DYNC1LI1: variants seen among roughly 807,000 people sequenced by gnomAD.
DYNC1LI1 encodes dynein cytoplasmic 1 light intermediate chain 1.
DYNC1LI1 carries 19 observed loss-of-function variants against 63.8 expected under a neutral mutation model. That is an observed-to-expected ratio of 0.30 (90% CI 0.21 to 0.44). The LOEUF (loss-of-function observed/expected upper bound fraction) is 0.44, where lower values mean the gene tolerates loss of function less well. DYNC1LI1 is among the 20% of genes least tolerant of loss of function. DYNC1LI1 has a pLI of 1.00. For synonymous variants in DYNC1LI1, 225 were observed against 232.3 expected (o/e 0.97, Z 0.28); for missense variants, 565 against 630.2 (o/e 0.90, Z 1.11).
At chr3:32,558,347 C>T (rs944903842) in intron 2 of DYNC1LI1, among the ~76,000 whole-genome samples, 16 of 150,330 alleles carry the variant, frequency 1.1e-4, no homozygotes, top group Middle Eastern at 6.9e-3. Flanking sequence ...GCTTCTCAGG[C>T]CACATGGGTC....
intron 2 of DYNC1LI1, among the ~76,000 whole-genome samples, chr3:32,565,210 A>G (rs997651691): frequency 6.6e-6 from 1 of 152,234 alleles, no homozygotes; most frequent in African/African-American, 2.4e-5. Context: ...CAAGATTAAA[A>G]TAAGAAAATT....
At chr3:32,533,220 AGC>A in intron 7 of DYNC1LI1, 123 bp from the exon 8 acceptor site, 12 of 1,361,932 alleles carry the variant, frequency 8.8e-6, no homozygotes, top group Non-Finnish European at 1.1e-5. Flanking sequence ...AAAACGAATT[AGC>A]TTTTCATTAT....
At chr3:32,562,337 T>G (rs988894391) in intron 2 of DYNC1LI1, among the ~76,000 whole-genome samples, 1 of 152,204 alleles carries the variant, frequency 6.6e-6, no homozygotes, top group Non-Finnish European at 1.5e-5. Context: ...ATTATTTTCA[T>G]GTTCTTTCTT....
chr3:32,546,543 A>G (rs1434460826), intron 2 of DYNC1LI1, among the ~76,000 whole-genome samples: 1 of 152,234 alleles, frequency 6.6e-6, no homozygotes, highest in Non-Finnish European at 1.5e-5. Flanking sequence ...AGGTAAAGTG[A>G]AACACCTTAG....
chr3:32,541,824 G>A (rs908276996), intron 4 of DYNC1LI1, among the ~76,000 whole-genome samples: 9 of 152,136 alleles, frequency 5.9e-5, no homozygotes, highest in Admixed American at 1.3e-4. Flanking sequence ...TTTAGACTCC[G>A]TAATTACTCG....
intron 2 of DYNC1LI1, among the ~76,000 whole-genome samples, chr3:32,561,764 A>C (rs1698197642): frequency 6.6e-6 from 1 of 152,186 alleles, no homozygotes; most frequent in African/African-American, 2.4e-5. Flanking sequence ...AAAATGAGGT[A>C]TAACAATAAT....
chr3:32,553,913 A>G (rs1698077045), intron 2 of DYNC1LI1, among the ~76,000 whole-genome samples: 1 of 152,254 alleles, frequency 6.6e-6, no homozygotes, highest in South Asian at 2.1e-4. Flanking sequence ...CCATTAAAGC[A>G]AGACTGTTTG....
intron 4 of DYNC1LI1, among the ~76,000 whole-genome samples, chr3:32,543,686 G>A (rs867939742): frequency 2.0e-5 from 3 of 151,016 alleles, no homozygotes; most frequent in Non-Finnish European, 4.4e-5. Context: ...GATTACAGGC[G>A]TGAGCCACCA....
At chr3:32,545,180 G>T in intron 3 of DYNC1LI1, 74 bp from the exon 4 acceptor site, 2 of 985,510 alleles carry the variant, frequency 2.0e-6, no homozygotes, top group Non-Finnish European at 1.6e-6. Context: ...AGTACCACTT[G>T]GTATTTTAGT....
chr3:32,526,079 ATG>A lies in DYNC1LI1; in HGVS notation c.*718_*719del, dbSNP rs558043870. 6.6e-6 allele frequency: 1 copy of A among 152,346 alleles called. No individual in the cohort carries two copies. The highest frequency in any genetic ancestry group is 6.6e-5 in the Admixed American group (1 of 15,246). The allele number at this position is 152,346 out of a possible 1,614,324, so 9.4% of individuals were successfully genotyped here. On this transcript the variant is annotated 3_prime_UTR_variant, in exon 13 of 13. Transcript: ENST00000273130. ...GGCAAAGCCATATATATATATATAT[ATG>A]TATAGACAAATCCAAAGATTGTTAC...
intron 2 of DYNC1LI1, among the ~76,000 whole-genome samples, chr3:32,547,135 C>T (rs1172065645): frequency 6.6e-6 from 1 of 151,948 alleles, no homozygotes; most frequent in Non-Finnish European, 1.5e-5. Context: ...CCCAGCTACT[C>T]GGGAGACTGA....
chr3:32,527,421 G>A (rs1033121599), intron 12 of DYNC1LI1, among the ~76,000 whole-genome samples: 2 of 150,764 alleles, frequency 1.3e-5, no homozygotes, highest in Middle Eastern at 3.2e-3. Context: ...TTTTTTTTAA[G>A]GCATAGGACA....
chr3:32,538,011 A>T (rs866741586), intron 5 of DYNC1LI1, among the ~76,000 whole-genome samples: 5 of 19,608 alleles, frequency 2.5e-4, no homozygotes, highest in South Asian at 1.2e-3. Flanking sequence ...TATATATAAT[A>T]TATATATATA....
intron 4 of DYNC1LI1, among the ~76,000 whole-genome samples, chr3:32,542,685 G>A (rs536683328): frequency 2.6e-5 from 4 of 152,264 alleles, no homozygotes; most frequent in African/African-American, 4.8e-5. Context: ...GATTACAGGC[G>A]TGAGCCACTG....
At chr3:32,532,253 G>GTC (rs997227232) in intron 8 of DYNC1LI1, 1 of 151,856 alleles carries the variant, frequency 6.6e-6, no homozygotes, top group Non-Finnish European at 1.5e-5. Flanking sequence ...ATCATTTGAG[G>GTC]TCAGGAGTTC....
rs60796171 is a variant in DYNC1LI1, at chr3:32,537,937, A to ATAAT, written c.739-834_739-833insATTA. Reference sequence around the variant, plus strand: ...TAATTTATATATATAATATATATATAATATATATATAATTTATATATATAA... The same window carrying ATAAT: ...TAATTTATATATATAATATATATATATAATATATATATATAATTTATATATATAA... On this transcript the variant is annotated intron_variant, in intron 5 of 12. Transcript: ENST00000273130. Among the ~76,000 whole-genome samples, 75 of 13,876 alleles carry ATAAT rather than the reference A, an allele frequency of 5.4e-3. 6 individuals are homozygous for ATAAT. The highest frequency in any genetic ancestry group is 0.024 in the African/African-American group (68 of 2,862). 9.1% of individuals were successfully genotyped at this position (13,876 alleles called of 152,430 possible). A position where few individuals can be genotyped will look rare whatever the true frequency, so the allele number is the denominator to read the frequency against.
chr3:32,565,908 C>T (rs1698253047), intron 2 of DYNC1LI1, among the ~76,000 whole-genome samples: 1 of 152,156 alleles, frequency 6.6e-6, no homozygotes, highest in African/African-American at 2.4e-5. Context: ...GGGCCGGCCT[C>T]AGGCTGCAAA....
intron 2 of DYNC1LI1, among the ~76,000 whole-genome samples, chr3:32,555,400 G>T (rs114391949): frequency 1.3e-5 from 2 of 152,144 alleles, no homozygotes. Flanking sequence ...GAAAACAAAG[G>T]TTCTGTAAAC....
intron 8 of DYNC1LI1, chr3:32,532,164 T>TA (rs1465077858): frequency 1.3e-5 from 2 of 152,178 alleles, no homozygotes; most frequent in East Asian, 1.9e-4. Context: ...ATTGATATGT[T>TA]AGAGTCGAGA....
Sources: allele counts gnomAD v4.1 joint callset (sites outside exome capture counted in the v4.1 genomes callset), GRCh38; gene constraint gnomAD v4.1.1; transcripts MANE v1.5; gene names NCBI Gene and HGNC (gene_info 2026-07-23, HGNC 2026-07-21).